ADAM12: variants seen among roughly 807,000 people sequenced by gnomAD.
ADAM12 encodes the protein disintegrin and metalloproteinase domain-containing protein 12.
In ADAM12, 70 loss-of-function variants were observed where a neutral mutation model predicts 106.4. The observed-to-expected ratio is 0.66, with a 90% CI of 0.54 to 0.80. ADAM12 has a LOEUF of 0.80. Among genes scored for constraint, ADAM12 ranks in the 30% least tolerant of loss-of-function variants. ADAM12 has a pLI of 0.00. For missense variants in ADAM12, 1,010 were observed against 1,171.9 expected (o/e 0.86, Z 2.02); for synonymous variants, 420 against 433.5 (o/e 0.97, Z 0.39).
At chr10:126,129,898 G>A (rs1254455531) in intron 5 of ADAM12, among the ~76,000 whole-genome samples, 15 of 152,130 alleles carry the variant, frequency 9.9e-5, no homozygotes, top group Non-Finnish European at 2.2e-4. Context: ...TCCGCTTCAA[G>A]CTTCAAATGA....
rs189202509 is a variant in ADAM12 at position 126,247,695 on chromosome 10, A to T, written c.260+31220T>A. Among the ~76,000 whole-genome samples the T allele has an allele frequency of 2.6e-5, 4 of 152,348 alleles. No individual in the cohort carries two copies. The East Asian group carries it at 7.7e-4, about 29-fold the overall frequency. On this transcript the variant is annotated intron_variant, in intron 3 of 22. Transcript: ENST00000448723. ...CACCAACCAGGAATTCTTCGCTGTT[A>T]TCTAGTTTTTGGTAATAGTAAAAAT...
At chr10:126,374,834 A>G (rs777049981) in intron 1 of ADAM12, among the ~76,000 whole-genome samples, 1 of 152,216 alleles carries the variant, frequency 6.6e-6, no homozygotes, top group Non-Finnish European at 1.5e-5. Flanking sequence ...GGATTCAAGA[A>G]GCACCACAAG....
intron 3 of ADAM12, among the ~76,000 whole-genome samples, chr10:126,247,289 T>C (rs1187446724): frequency 2.6e-5 from 4 of 152,178 alleles, no homozygotes; most frequent in Non-Finnish European, 5.9e-5. Context: ...TCTGAAAATA[T>C]CACTGCATAA....
chr10:126,153,545 C>A (rs1276181852), intron 4 of ADAM12, among the ~76,000 whole-genome samples: 1 of 151,846 alleles, frequency 6.6e-6, no homozygotes, highest in Non-Finnish European at 1.5e-5. Flanking sequence ...TCTATTAGAC[C>A]CATTCTGTTC....
At chr10:126,233,858 T>C (rs1322062100) in intron 3 of ADAM12, among the ~76,000 whole-genome samples, 2 of 152,214 alleles carry the variant, frequency 1.3e-5, no homozygotes, top group Non-Finnish European at 2.9e-5. Context: ...TGTGTTTACA[T>C]TGCACTTGGT....
At position 126,064,196 on chromosome 10, in the gene ADAM12, G is replaced by A. The variant is rs377433160; in HGVS notation, c.1609+610C>T. ...GTGAACTGATGGTCTCTTGTTTGACGCAACCACCCCACTTTCCCATTTGAG... is the reference window on the plus strand; with the variant it reads ...GTGAACTGATGGTCTCTTGTTTGACACAACCACCCCACTTTCCCATTTGAG... On this transcript the variant is annotated intron_variant, in intron 14 of 22. Transcript: ENST00000448723. The surrounding 1 kb of genome is among the most constrained non-coding windows in gnomAD (Gnocchi z 4.4). 2.4e-4 allele frequency among the ~76,000 whole-genome samples: 36 copies of A among 152,246 alleles called. No individual in the cohort carries two copies. Among genetic ancestry groups the A allele is most frequent in the African/African-American group, 8.4e-4 (35 of 41,522 alleles).
At chr10:126,131,104 CTTTTTTTTTTTTT>C (rs71029289) in intron 5 of ADAM12, among the ~76,000 whole-genome samples, 18 of 100,924 alleles carry the variant, frequency 1.8e-4, no homozygotes, top group East Asian at 8.9e-4. Context: ...CAGCTGTCTT[CTTTTTTTTTTTTT>C]TTTTTTTTTT....
At chr10:126,337,122 G>A (rs912977480) in intron 1 of ADAM12, among the ~76,000 whole-genome samples, 3 of 152,212 alleles carry the variant, frequency 2.0e-5, no homozygotes, top group South Asian at 2.1e-4. Flanking sequence ...ACAAGGCGAC[G>A]TCCCAGGACA....
At chr10:126,346,670 G>T (rs952616609) in intron 1 of ADAM12, among the ~76,000 whole-genome samples, 1 of 152,092 alleles carries the variant, frequency 6.6e-6, no homozygotes, top group African/African-American at 2.4e-5. Context: ...TCTCTTTGTA[G>T]GTCTCTAAGG....
intron 20 of ADAM12, among the ~76,000 whole-genome samples, chr10:126,037,586 T>G (rs564896560): frequency 5.3e-5 from 8 of 152,336 alleles, no homozygotes; most frequent in African/African-American, 1.9e-4. Flanking sequence ...AAGTTCAATA[T>G]TCAAGAATTC....
At chr10:126,095,709 A>C (rs1392122169) in intron 10 of ADAM12, among the ~76,000 whole-genome samples, 1 of 151,992 alleles carries the variant, frequency 6.6e-6, no homozygotes, top group Non-Finnish European at 1.5e-5. Context: ...CCCCCTTGCC[A>C]TGTGATCCCC....
chr10:126,202,608 A>G (rs1032086957), intron 3 of ADAM12, among the ~76,000 whole-genome samples: 3 of 152,248 alleles, frequency 2.0e-5, no homozygotes, highest in African/African-American at 7.2e-5. Context: ...TTCTCTCAAA[A>G]TTACAGATTT....
chr10:126,099,002 A>G (rs1299535860), intron 9 of ADAM12, among the ~76,000 whole-genome samples: 1 of 152,220 alleles, frequency 6.6e-6, no homozygotes, highest in Non-Finnish European at 1.5e-5. Context: ...GGGCAGAAAA[A>G]TTATCAACCC....
chr10:126,340,539 C>T (rs564932029), intron 1 of ADAM12, among the ~76,000 whole-genome samples: 1 of 152,120 alleles, frequency 6.6e-6, no homozygotes, highest in South Asian at 2.1e-4. Flanking sequence ...TGCTCATAAT[C>T]CTACTGTGTG....
chr10:126,309,670 A>G (rs1319288378), intron 2 of ADAM12, among the ~76,000 whole-genome samples: 1 of 152,200 alleles, frequency 6.6e-6, no homozygotes, highest in African/African-American at 2.4e-5. Context: ...CTCTGTCACA[A>G]TGCAAATATG....
chr10:126,280,482 T>TGGCTACCACTGTGGGAC (rs1959520458), intron 2 of ADAM12, among the ~76,000 whole-genome samples: 1 of 152,220 alleles, frequency 6.6e-6, no homozygotes, highest in Non-Finnish European at 1.5e-5. Flanking sequence ...GTGTGACAGG[T>TGGCTACCACTGTGGGAC]GGCTACCACT....
chr10:126,342,255 T>C (rs759613789), intron 1 of ADAM12, among the ~76,000 whole-genome samples: 7 of 152,182 alleles, frequency 4.6e-5, no homozygotes, highest in Non-Finnish European at 1.0e-4. Context: ...TGTGGCTATC[T>C]AGAGGTAGGT....
chr10:126,284,760 C>G (rs924240757), intron 2 of ADAM12, among the ~76,000 whole-genome samples: 3 of 152,202 alleles, frequency 2.0e-5, no homozygotes, highest in African/African-American at 7.2e-5. Flanking sequence ...TTCTCTGCAG[C>G]TGCTTTTGTG....
At chr10:126,075,258 G>A (rs1047122461) in intron 11 of ADAM12, among the ~76,000 whole-genome samples, 3 of 152,236 alleles carry the variant, frequency 2.0e-5, no homozygotes, top group Non-Finnish European at 4.4e-5. Context: ...TCTCAGCAAG[G>A]AGGCAGGTGA....
Sources: allele counts gnomAD v4.1 joint callset (sites outside exome capture counted in the v4.1 genomes callset), GRCh38; gene constraint gnomAD v4.1.1; non-coding constraint Gnocchi (gnomAD v3.1); transcripts MANE v1.5; gene names NCBI Gene and HGNC (gene_info 2026-07-23, HGNC 2026-07-21).